Variants in GPRC6A observed in about 807,000 individuals in gnomAD.
GPRC6A encodes the protein G protein-coupled receptor family C group 6 member A.
In GPRC6A, 54 loss-of-function variants were observed where a neutral mutation model predicts 47.0. The ratio of observed to expected loss-of-function variants is 1.15; its 90% confidence interval spans 0.92 to 1.44. The LOEUF is 1.44. Ranked by LOEUF, GPRC6A falls within the 40% of genes most tolerant of loss-of-function variation. The pLI, the probability that GPRC6A is intolerant of heterozygous loss-of-function variation, is 0.00. For synonymous variants in GPRC6A, 347 were observed against 377.1 expected, an observed-to-expected ratio of 0.92 and a Z score of 0.93; for missense variants, 1,112 against 1,105.5, an observed-to-expected ratio of 1.01 and a Z score of -0.08.
At chr6:116,799,469 A>G (rs1011003212) in intron 4 of GPRC6A, among the ~76,000 whole-genome samples, 4 of 152,222 alleles carry the variant, frequency 2.6e-5, no homozygotes, top group African/African-American at 9.6e-5. Flanking sequence ...GTGTCATGGA[A>G]GCAAACAAAT....
intron 1 of GPRC6A, among the ~76,000 whole-genome samples, chr6:116,811,267 A>G (rs1184145726): frequency 2.6e-5 from 4 of 152,190 alleles, no homozygotes; most frequent in Non-Finnish European, 2.9e-5. Context: ...GACCCTGCCC[A>G]ACCAACACTA....
rs1339400991 is a variant in GPRC6A, at chr6:116,806,483, C to T, written c.1222G>A (p.Glu408Lys). Reference sequence around the variant, plus strand: ...TGAATACTATGAATGAGTCCTGGCTCAGCATAGTCCCAGAGGAAGTCATTT... The same window carrying T: ...TGAATACTATGAATGAGTCCTGGCTTAGCATAGTCCCAGAGGAAGTCATTT... ...MRNDFLWDYA[E>K]PGLIHSIQLA... is the part of the protein sequence containing the mutation. Residue 408 changes from glutamate to lysine, a missense_variant, in exon 3 of 6, where the codon GAG (glutamate) becomes AAG (lysine). Glu to Lys is a moderately conservative substitution (Grantham distance 56). Coordinates refer to ENST00000310357, the MANE Select transcript of GPRC6A (RefSeq NM_148963.4). 6.2e-7 allele frequency: 1 copy of T among 1,613,412 alleles called. No homozygotes were observed. Among genetic ancestry groups the T allele is most frequent in the Admixed American group, 1.7e-5 (1 of 59,880 alleles).
chr6:116,828,269 A>G (rs1425693413), intron 1 of GPRC6A, among the ~76,000 whole-genome samples: 1 of 152,156 alleles, frequency 6.6e-6, no homozygotes, highest in Non-Finnish European at 1.5e-5. Flanking sequence ...TCTTTCTCAT[A>G]GGTAAGCTCT....
In GPRC6A at chr6:116,823,313, G is replaced by T. The variant is rs377566773; in HGVS notation, c.194+5507C>A. Among the ~76,000 whole-genome samples, 7 of 152,044 alleles carry T rather than the reference G, an allele frequency of 4.6e-5. No homozygotes were observed. In the South Asian group the frequency reaches 1.0e-3, roughly 22 times the overall value. The stretch of plus-strand genomic sequence containing the variant: ...AGATACCCTAAATCATCACTCTCAA[G>T]TTCAAAGTTCCACAGATCCCTGGGC... On this transcript the variant is annotated intron_variant, in intron 1 of 5. Transcript: ENST00000310357.
intron 3 of GPRC6A, among the ~76,000 whole-genome samples, chr6:116,802,544 C>T (rs569536501): frequency 6.6e-6 from 1 of 152,148 alleles, no homozygotes; most frequent in Admixed American, 6.6e-5. Flanking sequence ...TGTGCTGATG[C>T]TTGCTCTACC....
At chr6:116,827,040 G>C (rs914152578) in intron 1 of GPRC6A, among the ~76,000 whole-genome samples, 40 of 151,802 alleles carry the variant, frequency 2.6e-4, no homozygotes, top group Non-Finnish European at 3.7e-4. Flanking sequence ...AAAAGTACTA[G>C]AGGATGGGAA....
Position 116,821,862 on chromosome 6 carries a change from G to A in GPRC6A, c.194+6958C>T, listed in dbSNP as rs1343984616. ...AACAAAAGCCAAAATTGACAAATGG[G>A]ATCTAATTAAAGTAAAGAGCTTCTG... On this transcript the variant is annotated intron_variant, in intron 1 of 5. Transcript: ENST00000310357. 3.2e-4 allele frequency among the ~76,000 whole-genome samples: 48 copies of A among 151,000 alleles called. 2 individuals carry two copies. Among genetic ancestry groups the A allele is most frequent in the African/African-American group, 1.1e-3 (46 of 40,618 alleles).
chr6:116,806,327 A>G, intron 3 of GPRC6A, 43 bp downstream of exon 3: 6 of 1,256,386 alleles, frequency 4.8e-6, no homozygotes, highest in Non-Finnish European at 6.8e-6. Flanking sequence ...GAAATGGGGA[A>G]AATGATGGTA....
intron 1 of GPRC6A, among the ~76,000 whole-genome samples, chr6:116,810,780 A>G (rs540676079): frequency 6.6e-6 from 1 of 152,088 alleles, no homozygotes; most frequent in Non-Finnish European, 1.5e-5. Flanking sequence ...TTTAATTTTA[A>G]CATTACAATT....
intron 5 of GPRC6A, among the ~76,000 whole-genome samples, chr6:116,793,985 C>G (rs1428964458): frequency 6.6e-6 from 1 of 152,208 alleles, no homozygotes; most frequent in African/African-American, 2.4e-5. Context: ...ATCAGAGCCT[C>G]TCACACTGTA....
At chr6:116,818,644 G>A (rs911906104) in intron 1 of GPRC6A, among the ~76,000 whole-genome samples, 1 of 132,354 alleles carries the variant, frequency 7.6e-6, no homozygotes, top group Non-Finnish European at 1.6e-5. Context: ...ATACTTTACA[G>A]ACAAGCAAAT....
chr6:116,828,719 AT>A (rs200951506), intron 1 of GPRC6A, 100 bp downstream of exon 1: 10,857 of 989,018 alleles, frequency 0.011, 154 homozygotes, highest in Admixed American at 0.043. Context: ...ATATGAGTTT[AT>A]TTTTTTAAAT....
chr6:116,796,798 T>C (rs1772501895), intron 4 of GPRC6A, among the ~76,000 whole-genome samples: 1 of 152,190 alleles, frequency 6.6e-6, no homozygotes, highest in Non-Finnish European at 1.5e-5. Flanking sequence ...AGGCAGTATA[T>C]ATGCCTTGGG....
chr6:116,817,019 C>G (rs6909797), intron 1 of GPRC6A, among the ~76,000 whole-genome samples: 37,134 of 152,016 alleles, frequency 0.24, 5,013 homozygotes, highest in Non-Finnish European at 0.31. Context: ...GAAGCTTGAA[C>G]TGGGTGGAGC....
At chr6:116,796,970 T>G (rs1772508613) in intron 4 of GPRC6A, among the ~76,000 whole-genome samples, 2 of 152,156 alleles carry the variant, frequency 1.3e-5, no homozygotes, top group South Asian at 4.1e-4. Flanking sequence ...GCCATGCTGG[T>G]GCGCTGCACC....
Position 116,792,147 on chromosome 6 carries a change from T to C in GPRC6A, c.2776A>G (p.Ile926Val), listed in dbSNP as rs1772319856. Residue 926 changes from isoleucine (I) to valine (V), a missense_variant, in exon 6 of 6, where the codon ATA becomes GTA. Transcript: ENST00000310357. ...KTLPRKRMSS[I>V] ...TGGCATCTCCTAAGGCTTATTCATA[T>C]ACTTGACATTCTTTTTCGAGGCAAA... 3 of 1,611,342 alleles carry C rather than the reference T, an allele frequency of 1.9e-6. No homozygotes were observed. Among genetic ancestry groups the C allele is most frequent in the Non-Finnish European group, 8.5e-7 (1 of 1,178,478 alleles).
At chr6:116,805,957 A>G (rs1772822301) in intron 3 of GPRC6A, among the ~76,000 whole-genome samples, 1 of 152,114 alleles carries the variant, frequency 6.6e-6, no homozygotes, top group Admixed American at 6.6e-5. Flanking sequence ...GAAGACCCAG[A>G]CTGCAGTTGT....
At chr6:116,818,319 G>A (rs1011958190) in intron 1 of GPRC6A, among the ~76,000 whole-genome samples, 1 of 150,860 alleles carries the variant, frequency 6.6e-6, no homozygotes, top group Non-Finnish European at 1.5e-5. Context: ...CGGATCACGA[G>A]GTCAGGAGAT....
At chr6:116,804,904 A>T (rs1032198087) in intron 3 of GPRC6A, among the ~76,000 whole-genome samples, 2 of 151,920 alleles carry the variant, frequency 1.3e-5, no homozygotes, top group African/African-American at 4.8e-5. Context: ...TCTCTTTCTC[A>T]ATCTCTTATT....
Sources: allele counts gnomAD v4.1 joint callset (sites outside exome capture counted in the v4.1 genomes callset), GRCh38; gene constraint gnomAD v4.1.1; transcripts MANE v1.5; gene names NCBI Gene and HGNC (gene_info 2026-07-23, HGNC 2026-07-21).